BCAS3: variants seen among roughly 807,000 people sequenced by gnomAD.
The protein encoded by BCAS3 is BCAS3 microtubule associated cell migration factor.
Under a neutral mutation model 116.1 loss-of-function variants are expected in BCAS3, and 53 were observed. That is an observed-to-expected ratio of 0.46 (90% CI 0.37 to 0.57). BCAS3 has a LOEUF of 0.57. BCAS3 is among the 20% of genes least tolerant of loss of function. BCAS3 has a pLI of 0.00. For missense variants in BCAS3, 917 were observed against 1,165.4 expected (o/e 0.79, Z 3.10); for synonymous variants, 391 against 408.2 (o/e 0.96, Z 0.51).
Position 60,889,788 on chromosome 17 carries a change from G to A in BCAS3, c.738+17G>A. On this transcript the variant is annotated intron_variant, in intron 10 of 23. Coordinates refer to ENST00000407086, the MANE Select transcript of BCAS3 (RefSeq NM_017679.5). ...GAAAACAAGGTAAGACGTGGCCTGT[G>A]TTTGGATTATTTGTAATGGAGCAAG... 1 of 1,599,994 alleles carries A rather than the reference G, an allele frequency of 6.3e-7. No homozygotes were observed. Among genetic ancestry groups the A allele is most frequent in the Non-Finnish European group, 8.6e-7 (1 of 1,168,448 alleles).
chr17:60,760,176 T>A (rs1422402636), intron 6 of BCAS3, among the ~76,000 whole-genome samples: 1 of 152,228 alleles, frequency 6.6e-6, no homozygotes, highest in Non-Finnish European at 1.5e-5. Context: ...CAATTTACAT[T>A]TAAGGTTATT....
rs186955117 is a variant in BCAS3 at position 61,082,063 on chromosome 17, A to G, written c.2328-2404A>G. Among the ~76,000 whole-genome samples, 357 of 152,330 alleles carry G rather than the reference A, an allele frequency of 2.3e-3. 3 individuals carry two copies. The highest frequency in any genetic ancestry group is 8.2e-3 in the African/African-American group (342 of 41,568). On this transcript the variant is annotated intron_variant, in intron 21 of 23. Transcript: ENST00000407086. This position sits in a 1 kb window ranked among gnomAD's most constrained non-coding sequence, Gnocchi z 5.1. ...GTTGACTCTCATCCATAAGGGAATCAGGCAAGCTCCCTACACAGAGCAGGT... is the reference window on the plus strand; with the variant it reads ...GTTGACTCTCATCCATAAGGGAATCGGGCAAGCTCCCTACACAGAGCAGGT...
intron 19 of BCAS3, among the ~76,000 whole-genome samples, chr17:61,046,057 T>TATTTA (rs1491189605): frequency 5.2e-5 from 1 of 19,094 alleles, no homozygotes; most frequent in Non-Finnish European, 7.0e-5. Flanking sequence ...AATATATATA[T>TATTTA]TATATATATA....
intron 4 of BCAS3, among the ~76,000 whole-genome samples, chr17:60,706,343 C>A (rs2037134603): frequency 6.6e-6 from 1 of 152,054 alleles, no homozygotes; most frequent in Admixed American, 6.6e-5. Context: ...GGATTACAGG[C>A]CTGAGCTACC....
intron 7 of BCAS3, among the ~76,000 whole-genome samples, chr17:60,864,957 T>C (rs1330239131): frequency 6.6e-6 from 1 of 152,198 alleles, no homozygotes; most frequent in Non-Finnish European, 1.5e-5. Flanking sequence ...CACTCATTTA[T>C]TGATTAAATT....
chr17:61,155,640 G>C (rs775972717), intron 22 of BCAS3, among the ~76,000 whole-genome samples: 1 of 152,126 alleles, frequency 6.6e-6, no homozygotes, highest in East Asian at 1.9e-4. Flanking sequence ...GTAAACTGGC[G>C]ACAGTCATAC....
At chr17:60,894,172 G>C (rs1454767233) in intron 10 of BCAS3, among the ~76,000 whole-genome samples, 4 of 152,104 alleles carry the variant, frequency 2.6e-5, no homozygotes, top group Admixed American at 1.3e-4. Flanking sequence ...TCTCTGGCCA[G>C]TATGGTCATT....
Position 61,171,847 on chromosome 17 carries a change from G to A in BCAS3, c.2425+87283G>A, listed in dbSNP as rs1441185743. Reference sequence around the variant, plus strand: ...GGAGTCTCACTGTGTTGTTCGGGCTGTTCTTGAACTTCTGGAATTAAGTGA... The same window carrying A: ...GGAGTCTCACTGTGTTGTTCGGGCTATTCTTGAACTTCTGGAATTAAGTGA... On this transcript the variant is annotated intron_variant, in intron 22 of 23. Coordinates refer to ENST00000407086, the MANE Select transcript of BCAS3 (RefSeq NM_017679.5). The surrounding 1 kb of genome is among the most constrained non-coding windows in gnomAD (Gnocchi z 4.1). Among the ~76,000 whole-genome samples, 4 of 149,150 alleles carry A rather than the reference G, an allele frequency of 2.7e-5. No homozygotes were observed. Among genetic ancestry groups the A allele is most frequent in the Admixed American group, 6.7e-5 (1 of 14,926 alleles).
At chr17:61,207,190 A>G (rs976762080) in intron 22 of BCAS3, among the ~76,000 whole-genome samples, 2 of 151,924 alleles carry the variant, frequency 1.3e-5, no homozygotes, top group South Asian at 4.2e-4. Flanking sequence ...AGAAATTCCT[A>G]TTTTTCTTCT....
rs1408826872 is a variant in BCAS3, at chr17:61,279,210, G to T, written c.2426-89117G>T. On this transcript the variant is annotated intron_variant, in intron 22 of 23. Transcript: ENST00000407086. The surrounding 1 kb of genome is among the most constrained non-coding windows in gnomAD (Gnocchi z 4.4). ...GATCCGCCCACCTCGGCCTCCCAAA[G>T]TGTTGGGATTACAGGCATGAGCCAC... Among the ~76,000 whole-genome samples the T allele has an allele frequency of 6.6e-6, 1 of 152,036 alleles. No individual in the cohort carries two copies. Among genetic ancestry groups the T allele is most frequent in the Non-Finnish European group, 1.5e-5 (1 of 68,002 alleles).
intron 19 of BCAS3, among the ~76,000 whole-genome samples, chr17:61,066,348 T>C (rs1022222942): frequency 6.6e-6 from 1 of 152,194 alleles, no homozygotes; most frequent in Admixed American, 6.5e-5. Context: ...CTGCTCGATG[T>C]TCATTATGCT....
rs2048357120 is a variant in BCAS3, at chr17:61,251,402, C to G, written c.2426-116925C>G. Reference sequence around the variant, plus strand: ...TGGCCAATATGGCGAAACCCCGTCTCTACTAAAAATACAAAAAATTAGCCG... The same window carrying G: ...TGGCCAATATGGCGAAACCCCGTCTGTACTAAAAATACAAAAAATTAGCCG... On this transcript the variant is annotated intron_variant, in intron 22 of 23. Transcript: ENST00000407086. This position sits in a 1 kb window ranked among gnomAD's most constrained non-coding sequence, Gnocchi z 4.7. 6.6e-6 allele frequency among the ~76,000 whole-genome samples: 1 copy of G among 152,048 alleles called. No individual in the cohort carries two copies. The highest frequency in any genetic ancestry group is 1.5e-5 in the Non-Finnish European group (1 of 68,004).
At chr17:60,985,394 G>A (rs1002112930) in intron 14 of BCAS3, among the ~76,000 whole-genome samples, 4 of 152,116 alleles carry the variant, frequency 2.6e-5, no homozygotes, top group Middle Eastern at 3.4e-3. Context: ...TGATCCACCC[G>A]TCTTGGCCTT....
chr17:60,940,114 C>A (rs1430028237), intron 13 of BCAS3, among the ~76,000 whole-genome samples: 1 of 151,966 alleles, frequency 6.6e-6, no homozygotes, highest in Non-Finnish European at 1.5e-5. Flanking sequence ...ACGAATATAA[C>A]AAATTAAAAA....
chr17:60,713,973 A>G (rs1283406056), intron 5 of BCAS3, among the ~76,000 whole-genome samples: 2 of 152,124 alleles, frequency 1.3e-5, no homozygotes, highest in East Asian at 1.9e-4. Context: ...AGCTGGAACT[A>G]CAGGTGTGAG....
At chr17:61,067,738 A>T (rs199770195) in intron 19 of BCAS3, among the ~76,000 whole-genome samples, 2,985 of 138,974 alleles carry the variant, frequency 0.021, 47 homozygotes, top group East Asian at 0.072. Flanking sequence ...AAAAAAAAAA[A>T]AAATATATAT....
At chr17:61,147,982 G>A (rs1465552353) in intron 22 of BCAS3, among the ~76,000 whole-genome samples, 3 of 27,408 alleles carry the variant, frequency 1.1e-4, no homozygotes, top group Non-Finnish European at 1.5e-4. Context: ...GTGAAACTCT[G>A]TCTCAGAAAA....
chr17:61,083,785 G>T lies in BCAS3; in HGVS notation c.2328-682G>T, dbSNP rs746932779. 6.6e-6 allele frequency among the ~76,000 whole-genome samples: 1 copy of T among 151,718 alleles called. No individual in the cohort carries two copies. Among genetic ancestry groups the T allele is most frequent in the African/African-American group, 2.4e-5 (1 of 41,322 alleles). On this transcript the variant is annotated intron_variant, in intron 21 of 23. Transcript: ENST00000407086. The surrounding 1 kb of genome is among the most constrained non-coding windows in gnomAD (Gnocchi z 4.9). ...TAATTTTTGCATTTTTAGTAGAGAC[G>T]GGGCTTCACCGTGTTAGCCAGGATG...
intron 6 of BCAS3, among the ~76,000 whole-genome samples, chr17:60,790,740 G>GTTTT (rs541425777): frequency 1.8e-4 from 21 of 118,956 alleles, no homozygotes; most frequent in Non-Finnish European, 3.0e-4. Flanking sequence ...GTGTTTGTAG[G>GTTTT]TTTTTTTTTT....
Sources: allele counts gnomAD v4.1 joint callset (sites outside exome capture counted in the v4.1 genomes callset), GRCh38; gene constraint gnomAD v4.1.1; non-coding constraint Gnocchi (gnomAD v3.1); transcripts MANE v1.5; gene names NCBI Gene and HGNC (gene_info 2026-07-23, HGNC 2026-07-21).